The following ERBB4 variants were observed in gnomAD, a reference collection of about 807,000 sequenced individuals.
ERBB4 encodes receptor tyrosine-protein kinase erbB-4.
ERBB4 carries 42 observed loss-of-function variants against 158.0 expected under a neutral mutation model. The ratio of observed to expected loss-of-function variants is 0.27; its 90% CI spans 0.21 to 0.34. ERBB4 has a LOEUF of 0.34. Ranked by LOEUF, ERBB4 falls within the 10% of genes least tolerant of loss-of-function variation. The pLI, the probability that ERBB4 is intolerant of heterozygous loss-of-function variation, is 1.00. For missense variants in ERBB4, 1,333 were observed against 1,624.1 expected, an observed-to-expected ratio of 0.82 and a Z score of 3.08; for synonymous variants, 583 against 558.7, an observed-to-expected ratio of 1.04 and a Z score of -0.61.
At chr2:211,890,578 A>G (rs1376176789) in intron 3 of ERBB4, among the ~76,000 whole-genome samples, 2 of 148,042 alleles carry the variant, frequency 1.4e-5, no homozygotes, top group Non-Finnish European at 1.5e-5. Flanking sequence ...ATGTAAATGG[A>G]CTAAATTCTC....
intron 1 of ERBB4, among the ~76,000 whole-genome samples, chr2:212,309,365 T>C (rs1254836774): frequency 6.6e-6 from 1 of 150,902 alleles, no homozygotes; most frequent in African/African-American, 2.4e-5. Context: ...AAATATTCAT[T>C]GAATACTTAT....
At chr2:211,616,754 T>G (rs754243930) in intron 19 of ERBB4, among the ~76,000 whole-genome samples, 1 of 152,218 alleles carries the variant, frequency 6.6e-6, no homozygotes, top group Non-Finnish European at 1.5e-5. Context: ...AGGACATGTT[T>G]CTGCCTGGTA....
chr2:212,491,680 G>C (rs546108587), intron 1 of ERBB4, among the ~76,000 whole-genome samples: 1 of 151,516 alleles, frequency 6.6e-6, no homozygotes, highest in Non-Finnish European at 1.5e-5. Flanking sequence ...TTATAGTCTA[G>C]TAAGTTATTT....
intron 2 of ERBB4, among the ~76,000 whole-genome samples, chr2:212,080,737 CT>C (rs1456725794): frequency 2.7e-5 from 4 of 150,176 alleles, no homozygotes; most frequent in African/African-American, 9.8e-5. Flanking sequence ...ACATTTCAAG[CT>C]TTTTAGAAAT....
At chr2:211,555,885 A>G (rs2067223283) in intron 20 of ERBB4, among the ~76,000 whole-genome samples, 1 of 152,248 alleles carries the variant, frequency 6.6e-6, no homozygotes, top group Admixed American at 6.5e-5. Context: ...TACACAGATC[A>G]GTGACACTAT....
intron 1 of ERBB4, among the ~76,000 whole-genome samples, chr2:212,301,499 T>C (rs1416284060): frequency 1.3e-5 from 2 of 151,396 alleles, no homozygotes; most frequent in African/African-American, 2.4e-5. Context: ...GACTCTGAAA[T>C]AGTTTATTCA....
chr2:212,425,577 T>C (rs901932931), intron 1 of ERBB4, among the ~76,000 whole-genome samples: 3 of 151,648 alleles, frequency 2.0e-5, no homozygotes, highest in African/African-American at 4.8e-5. Flanking sequence ...AATTGCAATT[T>C]GGTCATATTG....
chr2:211,710,503 G>C (rs2073656600), intron 9 of ERBB4, among the ~76,000 whole-genome samples: 1 of 152,124 alleles, frequency 6.6e-6, no homozygotes, highest in African/African-American at 2.4e-5. Flanking sequence ...AGACAGCAAT[G>C]TAAATGGACT....
At chr2:212,144,049 T>A (rs79722868) in intron 1 of ERBB4, among the ~76,000 whole-genome samples, 172 of 151,512 alleles carry the variant, frequency 1.1e-3, no homozygotes, top group African/African-American at 4.0e-3. Flanking sequence ...CTTAATTAGA[T>A]CTATGAAAGT....
intron 3 of ERBB4, among the ~76,000 whole-genome samples, chr2:211,834,281 G>A (rs1418639386): frequency 6.6e-6 from 1 of 152,100 alleles, no homozygotes; most frequent in Non-Finnish European, 1.5e-5. Context: ...CAGTGCAGGA[G>A]AATTCTAGTC....
At chr2:211,401,192 G>T (rs2063033283) in intron 25 of ERBB4, among the ~76,000 whole-genome samples, 1 of 151,904 alleles carries the variant, frequency 6.6e-6, no homozygotes, top group African/African-American at 2.4e-5. Context: ...AGGTGTACAT[G>T]AAATATCCAG....
Position 211,876,213 on chromosome 2 carries a change from T to C in ERBB4, c.421+71217A>G, listed in dbSNP as rs149334703. 5.3e-5 allele frequency among the ~76,000 whole-genome samples: 8 copies of C among 152,272 alleles called. No homozygotes were observed. In the East Asian group the frequency reaches 1.5e-3, roughly 29 times the overall value. ...ATTTTGCCAAAATATTGTATACACT[T>C]AGAGAATACCAATTTTGCTGATTCT... On this transcript the variant is annotated intron_variant, in intron 3 of 27. Coordinates refer to ENST00000342788, the MANE Select transcript of ERBB4 (RefSeq NM_005235.3).
intron 2 of ERBB4, among the ~76,000 whole-genome samples, chr2:212,096,626 TACTG>T (rs1487413255): frequency 6.6e-6 from 1 of 152,216 alleles, no homozygotes; most frequent in Non-Finnish European, 1.5e-5. Flanking sequence ...ATCTAAAATA[TACTG>T]ACTTTTTCAT....
chr2:212,002,355 G>T (rs2076126216), intron 2 of ERBB4, among the ~76,000 whole-genome samples: 1 of 152,118 alleles, frequency 6.6e-6, no homozygotes, highest in Non-Finnish European at 1.5e-5. Context: ...ACAAGATACA[G>T]AAGTTAGTAC....
At position 212,448,435 on chromosome 2, in the gene ERBB4, T is replaced by A. The variant is rs181499909; in HGVS notation, c.82+90014A>T. Among the ~76,000 whole-genome samples the A allele has an allele frequency of 1.5e-3, 235 of 152,322 alleles. 4 individuals are homozygous for A. The highest frequency in any genetic ancestry group is 0.015 in the Admixed American group (233 of 15,296). ...TGTTACAGAATACCACCATTTGTTA[T>A]CTACAAATCCAAAGAACAAATGAAT... On this transcript the variant is annotated intron_variant, in intron 1 of 27. Transcript: ENST00000342788.
At chr2:211,890,280 C>A (rs1319631169) in intron 3 of ERBB4, among the ~76,000 whole-genome samples, 4 of 115,714 alleles carry the variant, frequency 3.5e-5, no homozygotes, top group Admixed American at 9.1e-5. Context: ...AATTTTCAAC[C>A]CAGAATTTCA....
chr2:212,488,060 G>A (rs1690071499), intron 1 of ERBB4, among the ~76,000 whole-genome samples: 1 of 152,050 alleles, frequency 6.6e-6, no homozygotes, highest in Admixed American at 6.6e-5. Flanking sequence ...TCTGAAATGT[G>A]GCTTCTAACC....
At chr2:212,250,116 A>G (rs1480796579) in intron 1 of ERBB4, among the ~76,000 whole-genome samples, 1 of 152,018 alleles carries the variant, frequency 6.6e-6, no homozygotes, top group Non-Finnish European at 1.5e-5. Context: ...CAACATCACT[A>G]CTTTTAAGAA....
At chr2:212,073,138 G>A (rs2078173879) in intron 2 of ERBB4, among the ~76,000 whole-genome samples, 2 of 151,926 alleles carry the variant, frequency 1.3e-5, no homozygotes, top group African/African-American at 4.8e-5. Context: ...CACTGAAAAT[G>A]TGGGACATCA....
Sources: allele counts gnomAD v4.1 joint callset (sites outside exome capture counted in the v4.1 genomes callset), GRCh38; gene constraint gnomAD v4.1.1; transcripts MANE v1.5; gene names NCBI Gene and HGNC (gene_info 2026-07-23, HGNC 2026-07-21).